MEIOSIN: variants seen among roughly 807,000 people sequenced by gnomAD.
The protein encoded by MEIOSIN is meiosis initiator.
In MEIOSIN, 18 loss-of-function variants were observed where a neutral mutation model predicts 23.4. The observed-to-expected ratio is 0.77, with a 90% confidence interval of 0.53 to 1.14. MEIOSIN has a LOEUF of 1.14. Ranked by LOEUF, MEIOSIN falls within the 50% of genes most tolerant of loss-of-function variation. The pLI, the probability that MEIOSIN is intolerant of heterozygous loss-of-function variation, is 0.00. For synonymous variants in MEIOSIN, 187 were observed against 100.6 expected (o/e 1.86, Z -5.14); for missense variants, 428 against 242.9 (o/e 1.76, Z -5.07).
rs755841213 is a variant in MEIOSIN, at chr19:45,761,828, G to GCTCT, written c.1395_1396insCTCT (p.Glu466LeufsTer2). 123 of 491,740 alleles carry GCTCT rather than the reference G, an allele frequency of 2.5e-4. 2 individuals carry two copies. Among genetic ancestry groups the GCTCT allele is most frequent in the South Asian group, 2.4e-3 (77 of 31,734 alleles). The allele number at this position is 491,740 out of a possible 1,614,324, so 30.5% of individuals were successfully genotyped here. Reference sequence around the variant, plus strand: ...CCAGCTCCAGCTCCAGCTCCAGCTCGGAGGACAGCGACTCGGAGCCCCTGT... The same window carrying GCTCT: ...CCAGCTCCAGCTCCAGCTCCAGCTCGCTCTGAGGACAGCGACTCGGAGCCCCTGT... On this transcript the variant is annotated frameshift_variant, in exon 12 of 15. Coordinates refer to ENST00000457052, the MANE Select transcript of MEIOSIN (RefSeq NM_001310124.2). LOFTEE classifies it high-confidence loss of function.
Position 45,756,072 on chromosome 19 carries a change from A to G in MEIOSIN, c.905A>G (p.His302Arg), listed in dbSNP as rs1232939663. Residue 302 changes from histidine to arginine, a missense_variant, in exon 8 of 15, where the codon CAT (histidine) becomes CGT (arginine). By Grantham distance (29) the His-to-Arg change is conservative (BLOSUM62 0). Coordinates refer to ENST00000457052, the MANE Select transcript of MEIOSIN (RefSeq NM_001310124.2). ...CATTTTCTCAACAAGACCCAGCCCCATCCCAGGTAAGGGCGTCCCCAGGGC... is the reference window on the plus strand; with the variant it reads ...CATTTTCTCAACAAGACCCAGCCCCGTCCCAGGTAAGGGCGTCCCCAGGGC... ...RIHFLNKTQPHPRQKLVFYDS... is the reference protein window; with the variant it reads ...RIHFLNKTQPRPRQKLVFYDS... 1.1e-5 allele frequency: 8 copies of G among 702,822 alleles called. No homozygotes were observed. The Middle Eastern group carries it at 7.1e-4, about 62-fold the overall frequency. 43.5% of individuals were successfully genotyped at this position (702,822 alleles called of 1,614,324 possible).
At chr19:45,755,760 T>A (rs979242534) in intron 7 of MEIOSIN, among the ~76,000 whole-genome samples, 1 of 152,162 alleles carries the variant, frequency 6.6e-6, no homozygotes, top group African/African-American at 2.4e-5. Context: ...TTACAGCTTC[T>A]GATAGGGATG....
chr19:45,751,025 C>T (rs1248002678), intron 5 of MEIOSIN, among the ~76,000 whole-genome samples: 1 of 152,128 alleles, frequency 6.6e-6, no homozygotes, highest in Non-Finnish European at 1.5e-5. Context: ...GTACTCCCGG[C>T]ACTTTGGGAG....
chr19:45,757,937 C>T (rs1196611080), intron 9 of MEIOSIN, among the ~76,000 whole-genome samples: 1 of 152,174 alleles, frequency 6.6e-6, no homozygotes, highest in Non-Finnish European at 1.5e-5. Flanking sequence ...AAGGGATCGT[C>T]CTGCCTCAGC....
intron 13 of MEIOSIN, among the ~76,000 whole-genome samples, chr19:45,762,962 G>A (rs761270431): frequency 5.3e-5 from 8 of 152,208 alleles, no homozygotes; most frequent in Non-Finnish European, 1.2e-4. Context: ...CCCGGGAGGA[G>A]GAGAGGTCTC....
chr19:45,753,491 G>C (rs1968755108), intron 5 of MEIOSIN, among the ~76,000 whole-genome samples, 160 bp from the exon 6 acceptor site: 1 of 152,180 alleles, frequency 6.6e-6, no homozygotes, highest in Non-Finnish European at 1.5e-5. Flanking sequence ...TCACAGTCCT[G>C]ACTGAGCGGC....
intron 4 of MEIOSIN, among the ~76,000 whole-genome samples, chr19:45,749,709 A>G (rs12461145): frequency 0.48 from 63,018 of 132,544 alleles, 15,348 homozygotes; most frequent in East Asian, 0.63. Context: ...AAAAAAAAAC[A>G]AAAAAAGACT....
chr19:45,746,825 GAA>G (rs376837969), intron 4 of MEIOSIN, among the ~76,000 whole-genome samples: 3 of 96,992 alleles, frequency 3.1e-5, no homozygotes, highest in Non-Finnish European at 6.7e-5. Flanking sequence ...TGTCTCAAAA[GAA>G]AAAAAAAAAA....
chr19:45,740,002 C>T (rs1335577840), intron 3 of MEIOSIN, among the ~76,000 whole-genome samples: 2 of 152,094 alleles, frequency 1.3e-5, no homozygotes, highest in Non-Finnish European at 2.9e-5. Flanking sequence ...CACGTGCCAC[C>T]ACGGCCAGCT....
intron 4 of MEIOSIN, among the ~76,000 whole-genome samples, chr19:45,747,203 C>T (rs952581665): frequency 3.9e-5 from 6 of 152,222 alleles, no homozygotes; most frequent in African/African-American, 9.6e-5. Context: ...CCCCTCTTCT[C>T]CCACCTCTTC....
chr19:45,736,942 C>T (rs1397197681), intron 2 of MEIOSIN, among the ~76,000 whole-genome samples: 1 of 149,942 alleles, frequency 6.7e-6, no homozygotes, highest in Non-Finnish European at 1.5e-5. Context: ...GAACTCGGCT[C>T]TCTGCAACCT....
Position 45,753,963 on chromosome 19 carries a change from G to A in MEIOSIN, c.556+175G>A, listed in dbSNP as rs796069591. Reference sequence around the variant, plus strand: ...CACACCCGGAAACTTGGGGTTCACTGGTCTATGGCAGAACCTGGGCATCAG... The same window carrying A: ...CACACCCGGAAACTTGGGGTTCACTAGTCTATGGCAGAACCTGGGCATCAG... On this transcript the variant is annotated intron_variant, in intron 6 of 14. Transcript: ENST00000457052. Among the ~76,000 whole-genome samples the A allele has an allele frequency of 2.4e-4, 37 of 152,226 alleles. 1 individual carries two copies. The highest frequency in any genetic ancestry group is 8.4e-4 in the African/African-American group (35 of 41,544).
intron 8 of MEIOSIN, 43 bp from the exon 9 acceptor site, chr19:45,757,134 C>G (rs1320809293): frequency 1.4e-6 from 1 of 700,360 alleles, no homozygotes; most frequent in Non-Finnish European, 2.6e-6. Context: ...CAGTTTCTAG[C>G]CCAGAGTCTG....
In MEIOSIN at chr19:45,762,087, A is replaced by G. The variant is rs1043956899; in HGVS notation, c.1583A>G (p.Lys528Arg). The G allele has an allele frequency of 1.9e-4, 88 of 452,898 alleles. No homozygotes were observed. Among genetic ancestry groups the G allele is most frequent in the African/African-American group, 1.5e-3 (75 of 50,260 alleles). The allele number at this position is 452,898 out of a possible 1,614,324, so 28.1% of individuals were successfully genotyped here. Residue 528 changes from lysine to arginine, a missense_variant, in exon 13 of 15, where the codon AAG becomes AGG. Lys to Arg is a conservative substitution (Grantham distance 26). Transcript: ENST00000457052. ...GTAGCCAGGGCCCCTGTGAAGCCCA[A>G]GGAGAAGAAGAAAGGCCCCTGCCCA... Reference protein sequence around the residue: ...GQVARAPVKPKEKKKGPCPPQ... With the variant: ...GQVARAPVKPREKKKGPCPPQ...
intron 4 of MEIOSIN, among the ~76,000 whole-genome samples, chr19:45,748,946 G>A (rs1348865598): frequency 2.6e-5 from 4 of 151,930 alleles, no homozygotes; most frequent in Non-Finnish European, 4.4e-5. Context: ...GCACATTCCT[G>A]TAGCCCCTGC....
At chr19:45,747,970 G>A (rs946982336) in intron 4 of MEIOSIN, among the ~76,000 whole-genome samples, 1 of 152,124 alleles carries the variant, frequency 6.6e-6, no homozygotes, top group African/African-American at 2.4e-5. Context: ...CATGGTCCCC[G>A]CTACCCAGGA....
intron 3 of MEIOSIN, among the ~76,000 whole-genome samples, chr19:45,744,470 G>T (rs1394692640): frequency 3.3e-5 from 5 of 151,578 alleles, no homozygotes; most frequent in African/African-American, 9.7e-5. Flanking sequence ...TCTTTTTTTT[G>T]TTTTGTTTTG....
At chr19:45,763,285 C>T (rs1761907712) in intron 13 of MEIOSIN, 53 bp from the exon 14 acceptor site, 1 of 398,484 alleles carries the variant, frequency 2.5e-6, no homozygotes, top group Non-Finnish European at 4.4e-6. Flanking sequence ...TCTGAGTTCT[C>T]AGTCAGGGTG....
At chr19:45,755,151 T>TA (rs1491316008) in intron 7 of MEIOSIN, among the ~76,000 whole-genome samples, 6 of 138,168 alleles carry the variant, frequency 4.3e-5, no homozygotes, top group Non-Finnish European at 8.0e-5. Flanking sequence ...CAGCCTTTTC[T>TA]TTTTTTTTTT....
Sources: allele counts gnomAD v4.1 joint callset (sites outside exome capture counted in the v4.1 genomes callset), GRCh38; gene constraint gnomAD v4.1.1; transcripts MANE v1.5; gene names NCBI Gene and HGNC (gene_info 2026-07-23, HGNC 2026-07-21).